The following TPO variants were observed in gnomAD, a reference collection of about 807,000 sequenced individuals.
TPO encodes thyroid peroxidase, also known as thyroid microsomal antigen.
A neutral mutation model predicts 96.9 loss-of-function variants in TPO; 78 were observed. That is an observed-to-expected ratio of 0.81 (90% CI 0.67 to 0.97). The LOEUF is 0.97. Ranked by LOEUF, TPO falls within the 50% of genes least tolerant of loss-of-function variation. The probability of loss-of-function intolerance (pLI) is 0.00; values close to 1 mark genes in which losing one functional copy is unlikely to be tolerated. For synonymous variants in TPO, 547 were observed against 538.0 expected (o/e 1.02, Z -0.23); for missense variants, 1,252 against 1,274.8 (o/e 0.98, Z 0.27).
chr2:1,430,557 C>T (rs949226268), intron 3 of TPO, among the ~76,000 whole-genome samples: 1 of 152,202 alleles, frequency 6.6e-6, no homozygotes, highest in Non-Finnish European at 1.5e-5. Flanking sequence ...GCCCTGCAGA[C>T]CCCAGAATTG....
intron 8 of TPO, among the ~76,000 whole-genome samples, chr2:1,483,553 G>A (rs186026841): frequency 3.9e-4 from 60 of 152,324 alleles, no homozygotes; most frequent in African/African-American, 1.4e-3. Flanking sequence ...GTTCAGAAAC[G>A]TTGCCACATA....
At chr2:1,385,287 C>T (rs977822446) in intron 1 of TPO, among the ~76,000 whole-genome samples, 24 of 152,158 alleles carry the variant, frequency 1.6e-4, no homozygotes, top group African/African-American at 5.8e-4. Context: ...AGGAATGGTA[C>T]CAGCTCCTCC....
At chr2:1,443,059 T>A (rs1440614643) in intron 5 of TPO, among the ~76,000 whole-genome samples, 1 of 152,172 alleles carries the variant, frequency 6.6e-6, no homozygotes, top group Non-Finnish European at 1.5e-5. Flanking sequence ...AACAAAGCAA[T>A]ACCTCATCTC....
At chr2:1,411,327 A>C (rs1573066595), upstream of TPO, among the ~76,000 whole-genome samples, 1 of 152,148 alleles carries the variant, frequency 6.6e-6, no homozygotes, top group East Asian at 1.9e-4. Context: ...CTTAGAGGAG[A>C]GGCTACAAAA....
upstream of TPO, among the ~76,000 whole-genome samples, chr2:1,412,140 G>A (rs774546777): frequency 6.6e-6 from 1 of 152,164 alleles, no homozygotes; most frequent in Non-Finnish European, 1.5e-5. Context: ...CCTGTGCCAC[G>A]GGCACCTCCA....
intron 3 of TPO, among the ~76,000 whole-genome samples, chr2:1,427,343 G>C (rs1018436566): frequency 5.9e-5 from 9 of 152,316 alleles, no homozygotes; most frequent in East Asian, 5.8e-4. Flanking sequence ...GCAGGGGAGG[G>C]TTCTGGGGCC....
intron 3 of TPO, among the ~76,000 whole-genome samples, chr2:1,430,304 C>T (rs998832126): frequency 6.6e-6 from 1 of 152,234 alleles, no homozygotes; most frequent in African/African-American, 2.4e-5. Flanking sequence ...GTGTCTATAG[C>T]TTTCACACGG....
chr2:1,501,580 C>A (rs1472754595), intron 13 of TPO, among the ~76,000 whole-genome samples: 1 of 152,226 alleles, frequency 6.6e-6, no homozygotes, highest in South Asian at 2.1e-4. Context: ...CTGCATGTGG[C>A]CTGATGAAGA....
chr2:1,514,151 C>G (rs916812953), intron 14 of TPO, among the ~76,000 whole-genome samples: 2 of 152,146 alleles, frequency 1.3e-5, no homozygotes, highest in Non-Finnish European at 2.9e-5. Flanking sequence ...GGTGAAGCTG[C>G]AATGAGATGT....
chr2:1,453,544 G>C, intron 5 of TPO, 150 bp from the exon 6 acceptor site: 1 of 1,220,350 alleles, frequency 8.2e-7, no homozygotes, highest in Non-Finnish European at 1.2e-6. Context: ...GCCTCCAGGA[G>C]GCCTTTCGGG....
At chr2:1,490,713 C>G (rs751665141) in intron 10 of TPO, among the ~76,000 whole-genome samples, 10 of 152,180 alleles carry the variant, frequency 6.6e-5, no homozygotes, top group Non-Finnish European at 1.3e-4. Flanking sequence ...GGCCACAAAC[C>G]TGGCAGAGGC....
At chr2:1,375,243 A>G (rs894543866) in intron 1 of TPO, among the ~76,000 whole-genome samples, 9 of 152,128 alleles carry the variant, frequency 5.9e-5, no homozygotes, top group African/African-American at 1.2e-4. Flanking sequence ...TCAGACCTAC[A>G]CTGGCATAGG....
In TPO at chr2:1,540,700, G is replaced by A. The variant is rs148789027; in HGVS notation, c.2725G>A (p.Ala909Thr). Residue 909 changes from alanine to threonine, a missense_variant, in exon 16 of 17, where the codon GCC becomes ACC. By Grantham distance (58) the Ala-to-Thr change is moderately conservative (BLOSUM62 0). Coordinates refer to ENST00000329066, the MANE Select transcript of TPO (RefSeq NM_001206744.2). ...HQAVGTSPQR[A>T]AAQDSEQESA... is the part of the protein sequence containing the mutation. The stretch of plus-strand genomic sequence containing the variant: ...GGCCGTAGGGACCTCACCGCAGCGG[G>A]CCGCAGCTCAGGACTCGGAGCAGGT... 1.2e-6 allele frequency: 2 copies of A among 1,612,924 alleles called. No homozygotes were observed. Among genetic ancestry groups the A allele is most frequent in the Non-Finnish European group, 1.7e-6 (2 of 1,180,042 alleles).
At chr2:1,487,679 G>A (rs1195973742) in intron 9 of TPO, 142 bp from the exon 10 acceptor site, 16 of 1,079,468 alleles carry the variant, frequency 1.5e-5, no homozygotes, top group Non-Finnish European at 2.1e-5. Flanking sequence ...AGAGCTTGCA[G>A]TGAGCTGAGA....
intron 10 of TPO, among the ~76,000 whole-genome samples, chr2:1,489,901 A>C (rs1011259686): frequency 1.1e-4 from 16 of 152,338 alleles, no homozygotes; most frequent in African/African-American, 3.8e-4. Context: ...TTGGGGACGC[A>C]AACACGAGAG....
intron 8 of TPO, among the ~76,000 whole-genome samples, chr2:1,484,139 T>G (rs1670897531): frequency 6.6e-6 from 1 of 152,230 alleles, no homozygotes; most frequent in Admixed American, 6.5e-5. Context: ...TTCCAGGCCC[T>G]GTGATTGCAA....
At chr2:1,439,979 T>TC (rs1055724986) in intron 5 of TPO, among the ~76,000 whole-genome samples, 4 of 152,094 alleles carry the variant, frequency 2.6e-5, no homozygotes, top group Admixed American at 6.6e-5. Context: ...ATTGCTAAGT[T>TC]CCCCCCCAGC....
chr2:1,520,346 G>A (rs975806107), intron 15 of TPO, among the ~76,000 whole-genome samples: 4 of 152,170 alleles, frequency 2.6e-5, no homozygotes, highest in African/African-American at 9.7e-5. Context: ...TTATTGTGCG[G>A]TGAGGAGTAG....
At chr2:1,529,707 A>C (rs1573588650) in intron 15 of TPO, among the ~76,000 whole-genome samples, 1 of 42,712 alleles carries the variant, frequency 2.3e-5, no homozygotes, top group Admixed American at 3.2e-4. Flanking sequence ...CACTGCGTGC[A>C]ACCTCCTCAA....
Sources: gnomAD v4.1 joint callset for allele counts (sites outside exome capture counted in the v4.1 genomes callset) on GRCh38, gnomAD v4.1.1 for gene constraint, MANE v1.5 for transcripts, NCBI Gene and HGNC (gene_info 2026-07-23, HGNC 2026-07-21) for gene names.